Variants in DSG1 observed in about 807,000 individuals in gnomAD.
DSG1 encodes desmoglein-1.
A neutral mutation model predicts 97.5 loss-of-function variants in DSG1; 39 were observed. That is an observed-to-expected ratio of 0.40 (90% CI 0.31 to 0.52). The LOEUF (loss-of-function observed/expected upper bound fraction) is 0.52, where lower values mean the gene tolerates loss of function less well. DSG1 is among the 20% of genes least tolerant of loss of function. DSG1 has a pLI of 0.53. For missense variants in DSG1, 1,311 were observed against 1,295.4 expected, an observed-to-expected ratio of 1.01 and a Z score of -0.18; for synonymous variants, 475 against 443.4, an observed-to-expected ratio of 1.07 and a Z score of -0.90.
At chr18:31,327,509 G>A (rs369980946) in intron 3 of DSG1, among the ~76,000 whole-genome samples, 27 of 151,788 alleles carry the variant, frequency 1.8e-4, no homozygotes, top group East Asian at 5.8e-4. Context: ...AGATGTACAC[G>A]TCCACAGATA....
rs568625688 is a variant in DSG1 at position 31,357,594 on chromosome 18, C to A, written c.*2248C>A. On this transcript the variant is annotated 3_prime_UTR_variant, in exon 15 of 15. Transcript: ENST00000257192. ...GGTTGTCTTGCAAACAACAAAATCA[C>A]TGTCTTTAATAACTGTTGCTGTCAA... 6.6e-6 allele frequency among the ~76,000 whole-genome samples: 1 copy of A among 151,976 alleles called. No individual in the cohort carries two copies. The highest frequency in any genetic ancestry group is 1.5e-5 in the Non-Finnish European group (1 of 67,888).
chr18:31,328,179 C>T lies in DSG1; in HGVS notation c.217-10C>T, dbSNP rs1309234474. The stretch of plus-strand genomic sequence containing the variant: ...TCCCTCTAATATTTTTACTTGTGTT[C>T]CTTCTGCAGATTCACTCAGATTGTG... On this transcript the variant is annotated splice_polypyrimidine_tract_variant and intron_variant, in intron 3 of 14. Transcript: ENST00000257192. The T allele has an allele frequency of 6.2e-7, 1 of 1,612,956 alleles. No homozygotes were observed. The highest frequency in any genetic ancestry group is 8.5e-7 in the Non-Finnish European group (1 of 1,179,242).
intron 1 of DSG1, among the ~76,000 whole-genome samples, chr18:31,324,300 T>TG: frequency 6.6e-6 from 1 of 151,902 alleles, no homozygotes; most frequent in African/African-American, 2.4e-5. Flanking sequence ...CCTTTTTTTT[T>TG]TTTTTGTTTG....
chr18:31,352,664 C>A (rs1168848127), intron 14 of DSG1, among the ~76,000 whole-genome samples: 1 of 148,330 alleles, frequency 6.7e-6, no homozygotes, highest in African/African-American at 2.6e-5. Context: ...AGGCTTTGCT[C>A]ATTTCTTTTT....
chr18:31,358,620 C>T lies in DSG1; in HGVS notation c.*3274C>T, dbSNP rs1228371429. On this transcript the variant is annotated 3_prime_UTR_variant, in exon 15 of 15. Coordinates refer to ENST00000257192, the MANE Select transcript of DSG1 (RefSeq NM_001942.4). ...TGTCATGGTACAAAATATATGACAC[C>T]CTTTAACTTTTGCTGGAGTTGAAAG... Among the ~76,000 whole-genome samples, 1 of 151,980 alleles carries T rather than the reference C, an allele frequency of 6.6e-6. No individual in the cohort carries two copies. The highest frequency in any genetic ancestry group is 1.5e-5 in the Non-Finnish European group (1 of 67,930).
intron 7 of DSG1, 46 bp from the exon 8 acceptor site, chr18:31,333,971 T>C (rs778380651): frequency 7.2e-7 from 1 of 1,388,558 alleles, no homozygotes; most frequent in South Asian, 1.2e-5. Context: ...TGTAGTTCTC[T>C]CTCTTTCACA....
intron 4 of DSG1, 138 bp downstream of exon 4, chr18:31,328,482 C>A: frequency 1.2e-6 from 1 of 826,458 alleles, no homozygotes; most frequent in Non-Finnish European, 1.9e-6. Context: ...ACGAGCATCC[C>A]ACGACTGAAA....
chr18:31,341,930 T>C (rs2071791684), intron 11 of DSG1, among the ~76,000 whole-genome samples: 1 of 117,616 alleles, frequency 8.5e-6, no homozygotes, highest in Non-Finnish European at 1.9e-5. Context: ...GTTCTTTTGT[T>C]TTTTTGTTTT....
Position 31,333,498 on chromosome 18 carries a change from AC to A in DSG1, c.685-90del. 4.6e-6 allele frequency: 7 copies of A among 1,530,820 alleles called. No individual in the cohort carries two copies. The African/African-American group carries it at 6.8e-5, about 15-fold the overall frequency. 94.8% of individuals were successfully genotyped at this position (1,530,820 alleles called of 1,614,324 possible). On this transcript the variant is annotated intron_variant, in intron 6 of 14. Coordinates refer to ENST00000257192, the MANE Select transcript of DSG1 (RefSeq NM_001942.4). The stretch of plus-strand genomic sequence containing the variant: ...CTACCTCTATCATAGATTTATGTAA[AC>A]GTTGAGCCAACTTTTCAAAGAACTT...
chr18:31,343,656 C>G, intron 12 of DSG1, 73 bp downstream of exon 12: 4 of 1,597,666 alleles, frequency 2.5e-6, no homozygotes, highest in African/African-American at 1.3e-5. Flanking sequence ...ACCAAGATGG[C>G]CGCCATCACT....
At chr18:31,326,207 A>G (rs1014596921) in intron 1 of DSG1, among the ~76,000 whole-genome samples, 1 of 151,962 alleles carries the variant, frequency 6.6e-6, no homozygotes, top group Non-Finnish European at 1.5e-5. Flanking sequence ...ACTTTTTTAT[A>G]TTTTTAAATT....
intron 14 of DSG1, chr18:31,354,023 G>T: frequency 2.5e-6 from 1 of 396,648 alleles, no homozygotes; most frequent in Non-Finnish European, 4.6e-6. Context: ...ATTTTTTTGT[G>T]TATGGTTTTA....
intron 1 of DSG1, among the ~76,000 whole-genome samples, chr18:31,324,209 C>G (rs2071671651): frequency 6.6e-6 from 1 of 151,718 alleles, no homozygotes; most frequent in African/African-American, 2.4e-5. Context: ...TTCTCAGTCT[C>G]CTGACCTCGT....
At chr18:31,326,332 T>C (rs1293062025) in intron 1 of DSG1, among the ~76,000 whole-genome samples, 2 of 152,056 alleles carry the variant, frequency 1.3e-5, no homozygotes, top group African/African-American at 4.8e-5. Context: ...AAATTTCTTA[T>C]TTAGGGAGAA....
At chr18:31,344,517 A>G (rs952129352) in intron 13 of DSG1, among the ~76,000 whole-genome samples, 1 of 152,348 alleles carries the variant, frequency 6.6e-6, no homozygotes, top group Middle Eastern at 3.4e-3. Context: ...CAGTATCATC[A>G]CAAATATTAC....
At chr18:31,325,639 G>A (rs186689917) in intron 1 of DSG1, among the ~76,000 whole-genome samples, 14 of 151,454 alleles carry the variant, frequency 9.2e-5, no homozygotes, top group Admixed American at 4.0e-4. Context: ...TCCTATTGTC[G>A]TATGTAAATA....
rs1377413341 is a variant in DSG1, at chr18:31,343,479, T to C, written c.1717T>C (p.Cys573Arg). The change falls in exon 12 of 15, where the codon TGT becomes CGT. Residue 573 changes from cysteine to arginine, a missense_variant. Around this residue, in one of 3 missense-constraint regions of DSG1, gnomAD observed 1,038 missense variants for 964.6 expected, o/e 1.08. Coordinates refer to ENST00000257192, the MANE Select transcript of DSG1 (RefSeq NM_001942.4). Reference sequence around the variant, plus strand: ...CCCATTTTTGATGATCTGTTGTGATTGTGGAGGTGCTCCTCGTAGTGCAGC... The same window carrying C: ...CCCATTTTTGATGATCTGTTGTGATCGTGGAGGTGCTCCTCGTAGTGCAGC... ...LVPFLMICCD[C>R]GGAPRSAAGF... 1 of 1,614,194 alleles carries C rather than the reference T, an allele frequency of 6.2e-7. No individual in the cohort carries two copies. The highest frequency in any genetic ancestry group is 1.7e-5 in the Admixed American group (1 of 60,024).
intron 5 of DSG1, 90 bp from the exon 6 acceptor site, chr18:31,331,611 T>A (rs1209992109): frequency 8.2e-7 from 1 of 1,212,630 alleles, no homozygotes; most frequent in Admixed American, 1.9e-5. Flanking sequence ...AAGGATCAAC[T>A]AACTCTAACA....
chr18:31,332,005 G>T, intron 6 of DSG1, 138 bp downstream of exon 6: 1 of 773,570 alleles, frequency 1.3e-6, no homozygotes, highest in Non-Finnish European at 2.0e-6. Context: ...ATTCTTTCAT[G>T]TAAGAAATAT....
Sources: allele counts gnomAD v4.1 joint callset (sites outside exome capture counted in the v4.1 genomes callset), GRCh38; gene constraint gnomAD v4.1.1; regional missense constraint gnomAD v4.1.1; transcripts MANE v1.5; gene names NCBI Gene and HGNC (gene_info 2026-07-23, HGNC 2026-07-21).